LPAR5: variants seen among roughly 807,000 people sequenced by gnomAD.
The protein encoded by LPAR5 is G protein-coupled receptor 92.
For synonymous variants in LPAR5, 271 were observed against 261.6 expected (o/e 1.04, Z -0.35); for missense variants, 544 against 521.8 (o/e 1.04, Z -0.41).
chr12:6,619,901 C>T lies in LPAR5; in HGVS notation c.*229G>A, dbSNP rs376777637. ...GTGGGCTCTCTGCATCACTTCCCAC[C>T]GCTGGAGAAGGGGTGCTCTGCGTGC... On this transcript the variant is annotated 3_prime_UTR_variant, in exon 2 of 2. Coordinates refer to ENST00000329858, the MANE Select transcript of LPAR5 (RefSeq NM_020400.6). The T allele has an allele frequency of 4.8e-5, 34 of 712,624 alleles. No individual in the cohort carries two copies. The Middle Eastern group carries it at 1.1e-3, about 24-fold the overall frequency. The allele number at this position is 712,624 out of a possible 1,614,324, so 44.1% of individuals were successfully genotyped here.
chr12:6,625,967 A>C (rs1948936806), intron 1 of LPAR5, among the ~76,000 whole-genome samples: 1 of 151,998 alleles, frequency 6.6e-6, no homozygotes, highest in African/African-American at 2.4e-5. Flanking sequence ...TCCCTGGCTA[A>C]TTTTTAAATT....
chr12:6,634,476 T>C (rs1375712106), intron 1 of LPAR5, among the ~76,000 whole-genome samples: 2 of 151,120 alleles, frequency 1.3e-5, no homozygotes, highest in East Asian at 2.0e-4. Flanking sequence ...CCAAAAAAAA[T>C]ACAAAAAGTA....
At chr12:6,625,504 A>G (rs1472776373) in intron 1 of LPAR5, among the ~76,000 whole-genome samples, 6 of 148,594 alleles carry the variant, frequency 4.0e-5, no homozygotes, top group Non-Finnish European at 6.0e-5. Context: ...GGCGGATCAC[A>G]AGGTGAGGAG....
chr12:6,632,504 T>C (rs1948986107), intron 1 of LPAR5, among the ~76,000 whole-genome samples: 2 of 152,164 alleles, frequency 1.3e-5, no homozygotes, highest in African/African-American at 2.4e-5. Context: ...CGAAGCCTAC[T>C]TCCTCTGCTT....
Position 6,621,249 on chromosome 12 carries a change from C to A in LPAR5, c.-1G>T. ...TGGTTGAGGAGCTGTTGGCTAACAT[C>A]GTGCCAAAGTGGGATTGGGAGCTAG... On this transcript the variant is annotated 5_prime_UTR_variant, in exon 2 of 2. Coordinates refer to ENST00000329858, the MANE Select transcript of LPAR5 (RefSeq NM_020400.6). 2.7e-6 allele frequency: 4 copies of A among 1,499,246 alleles called. No homozygotes were observed. The highest frequency in any genetic ancestry group is 3.6e-6 in the Non-Finnish European group (4 of 1,123,972). 92.9% of individuals were successfully genotyped at this position (1,499,246 alleles called of 1,614,324 possible). A position where few individuals can be genotyped will look rare whatever the true frequency, so the allele number is the denominator to read the frequency against.
chr12:6,625,689 T>G (rs563263616), intron 1 of LPAR5, among the ~76,000 whole-genome samples: 2 of 149,832 alleles, frequency 1.3e-5, no homozygotes, highest in African/African-American at 2.5e-5. Flanking sequence ...CGCCACTGCA[T>G]TCCAGCCTGG....
chr12:6,621,092 C>G lies in LPAR5; in HGVS notation c.157G>C (p.Val53Leu). 1 of 1,600,842 alleles carries G rather than the reference C, an allele frequency of 6.2e-7. No individual in the cohort carries two copies. The change falls in exon 2 of 2, where the codon GTG (valine) becomes CTG (leucine). Residue 53 changes from valine to leucine, a missense_variant. Physicochemically the swap from Val to Leu is conservative, Grantham distance 32. Coordinates refer to ENST00000329858, the MANE Select transcript of LPAR5 (RefSeq NM_020400.6). ...ATGTACACGCTCACCACCGAGTGCACGCGCAGCGCGCGCAGGAAGACCCAG... is the reference window on the plus strand; with the variant it reads ...ATGTACACGCTCACCACCGAGTGCAGGCGCAGCGCGCGCAGGAAGACCCAG... ...ALWVFLRALR[V>L]HSVVSVYMCN...
At chr12:6,635,099 AAG>A (rs1470751400) in intron 1 of LPAR5, among the ~76,000 whole-genome samples, 1 of 149,284 alleles carries the variant, frequency 6.7e-6, no homozygotes, top group Non-Finnish European at 1.5e-5. Flanking sequence ...AAAAAAAAAA[AAG>A]AAAGGAAGGA....
rs1948870573 is a variant in LPAR5 at position 6,619,733 on chromosome 12, C to G, written c.*397G>C. 2.7e-6 allele frequency: 1 copy of G among 368,672 alleles called. No individual in the cohort carries two copies. The highest frequency in any genetic ancestry group is 2.1e-5 in the African/African-American group (1 of 47,364). The allele number at this position is 368,672 out of a possible 1,614,324, so 22.8% of individuals were successfully genotyped here. On this transcript the variant is annotated 3_prime_UTR_variant, in exon 2 of 2. Coordinates refer to ENST00000329858, the MANE Select transcript of LPAR5 (RefSeq NM_020400.6). ...ACAGGCATCTCAGTAGCTTTGTCCA[C>G]CAAACCTGGTGCTCTTCAGCTCTCA...
At chr12:6,624,069 T>G (rs991302815) in intron 1 of LPAR5, among the ~76,000 whole-genome samples, 8 of 152,194 alleles carry the variant, frequency 5.3e-5, no homozygotes, top group Non-Finnish European at 1.0e-4. Flanking sequence ...CAAAGCAAAC[T>G]GGGTTCAGCT....
intron 1 of LPAR5, among the ~76,000 whole-genome samples, chr12:6,630,260 A>T (rs1006466833): frequency 3.3e-5 from 5 of 150,744 alleles, no homozygotes; most frequent in Admixed American, 6.6e-5. Flanking sequence ...AGTAGCTGGG[A>T]TCATAGCTCG....
chr12:6,632,129 A>G (rs1565389194), intron 1 of LPAR5, among the ~76,000 whole-genome samples: 6 of 151,290 alleles, frequency 4.0e-5, no homozygotes. Flanking sequence ...ACACCACCAC[A>G]CCCGGCTAAT....
rs750279256 is a variant in LPAR5 at position 6,620,041 on chromosome 12, C to CA, written c.*88dup. 5.8e-6 allele frequency: 9 copies of CA among 1,546,604 alleles called. No individual in the cohort carries two copies. In the East Asian group the frequency reaches 2.1e-4, roughly 37 times the overall value. ...ATTGCCACCCAAAGGTCCAAGTGCC[C>CA]AGCCCACCTTCTTGTGTGTACACCC... is the stretch of plus-strand genomic sequence containing the variant. On this transcript the variant is annotated 3_prime_UTR_variant, in exon 2 of 2. Transcript: ENST00000329858. This position sits in a 1 kb window ranked among gnomAD's most constrained non-coding sequence, Gnocchi z 6.8.
chr12:6,628,926 C>T (rs1214228741), intron 1 of LPAR5, among the ~76,000 whole-genome samples: 3 of 151,618 alleles, frequency 2.0e-5, no homozygotes, highest in Admixed American at 2.0e-4. Context: ...AACCACCATG[C>T]CCGGCCAATT....
At position 6,626,809 on chromosome 12, in the gene LPAR5, C is replaced by T. The variant is rs563574219; in HGVS notation, c.-216-5345G>A. On this transcript the variant is annotated intron_variant, in intron 1 of 1. Transcript: ENST00000329858. ...GCCTTCCCTAACCGCCCCCGCAACA[C>T]AAGGCGGATGTGGTACCCTCACTTG... Among the ~76,000 whole-genome samples the T allele has an allele frequency of 2.0e-5, 3 of 152,346 alleles. No homozygotes were observed. In the East Asian group the frequency reaches 5.8e-4, roughly 29 times the overall value.
At chr12:6,634,958 C>T (rs1302370032) in intron 1 of LPAR5, among the ~76,000 whole-genome samples, 2 of 151,492 alleles carry the variant, frequency 1.3e-5, no homozygotes, top group South Asian at 2.1e-4. Flanking sequence ...CATGGTGGTG[C>T]GTACCTATAA....
chr12:6,635,098 AAAG>A (rs1419412094), intron 1 of LPAR5, among the ~76,000 whole-genome samples: 239 of 149,884 alleles, frequency 1.6e-3, no homozygotes, highest in Middle Eastern at 7.0e-3. Flanking sequence ...AAAAAAAAAA[AAAG>A]AAAGGAAGGA....
chr12:6,619,706 G>T lies in LPAR5; in HGVS notation c.*424C>A. The T allele has an allele frequency of 2.8e-6, 1 of 356,900 alleles. No individual in the cohort carries two copies. The highest frequency in any genetic ancestry group is 5.5e-6 in the Non-Finnish European group (1 of 181,992). The allele number at this position is 356,900 out of a possible 1,614,324, so 22.1% of individuals were successfully genotyped here. Reference sequence around the variant, plus strand: ...TGAGCCTAGACAGAAGTCAGCAGATGAACAGGCATCTCAGTAGCTTTGTCC... The same window carrying T: ...TGAGCCTAGACAGAAGTCAGCAGATTAACAGGCATCTCAGTAGCTTTGTCC... On this transcript the variant is annotated 3_prime_UTR_variant, in exon 2 of 2. Transcript: ENST00000329858.
chr12:6,634,227 G>T (rs1401312074), intron 1 of LPAR5, among the ~76,000 whole-genome samples: 1 of 152,002 alleles, frequency 6.6e-6, no homozygotes, highest in Non-Finnish European at 1.5e-5. Context: ...GGATGGTCTC[G>T]ATCTCTTGAC....
Sources: gnomAD v4.1 joint callset for allele counts (sites outside exome capture counted in the v4.1 genomes callset) on GRCh38, gnomAD v4.1.1 for gene constraint, Gnocchi (gnomAD v3.1) non-coding constraint, MANE v1.5 for transcripts, NCBI Gene and HGNC (gene_info 2026-07-23, HGNC 2026-07-21) for gene names.